The following BLK variants were observed in gnomAD, a reference collection of about 807,000 sequenced individuals.
The protein encoded by BLK is BLK proto-oncogene, Src family tyrosine kinase.
Under a neutral mutation model 61.8 loss-of-function variants are expected in BLK, and 64 were observed. That is an observed-to-expected ratio of 1.03 (90% CI 0.85 to 1.27). The LOEUF (loss-of-function observed/expected upper bound fraction) is 1.27. BLK is among the 50% of genes most tolerant of loss of function. The probability of loss-of-function intolerance (pLI) is 0.00; values close to 1 mark genes in which losing one functional copy is unlikely to be tolerated. For missense variants in BLK, 853 were observed against 660.5 expected, an observed-to-expected ratio of 1.29 and a Z score of -3.19; for synonymous variants, 351 against 272.0, an observed-to-expected ratio of 1.29 and a Z score of -2.86.
rs1419208772 is a variant in BLK at position 11,563,075 on chromosome 8, T to A, written c.1277T>A (p.Met426Lys). ...ADVWSFGVLL[M>K]EVVTYGRVPY... Reference sequence around the variant, plus strand: ...GTGTGGTCGTTTGGAGTCCTCCTGATGGAAGTTGTCACTTATGGGCGGGTG... The same window carrying A: ...GTGTGGTCGTTTGGAGTCCTCCTGAAGGAAGTTGTCACTTATGGGCGGGTG... The change falls in exon 12 of 13, where the codon ATG becomes AAG. Residue 426 changes from methionine (M) to lysine (K), a missense_variant. Physicochemically the swap from Met to Lys is moderately conservative, Grantham distance 95. Coordinates refer to ENST00000259089, the MANE Select transcript of BLK (RefSeq NM_001715.3). 1.2e-6 allele frequency: 2 copies of A among 1,613,822 alleles called. No individual in the cohort carries two copies. The highest frequency in any genetic ancestry group is 1.7e-6 in the Non-Finnish European group (2 of 1,180,034).
In BLK at chr8:11,555,542, G is replaced by A. The variant is rs527993791; in HGVS notation, c.772+58G>A. ...CCCCATTCCACCTGCGCCGCATCCTGAGTCCAGGTTCAGCATTTTCATAGC... is the reference window on the plus strand; with the variant it reads ...CCCCATTCCACCTGCGCCGCATCCTAAGTCCAGGTTCAGCATTTTCATAGC... On this transcript the variant is annotated intron_variant, in intron 8 of 12. Transcript: ENST00000259089. 91 of 1,611,178 alleles carry A rather than the reference G, an allele frequency of 5.6e-5. No homozygotes were observed. The African/African-American group carries it at 1.1e-3, about 20-fold the overall frequency.
At chr8:11,524,032 G>A (rs554916474) in intron 1 of BLK, among the ~76,000 whole-genome samples, 67 of 152,064 alleles carry the variant, frequency 4.4e-4, no homozygotes, top group African/African-American at 1.6e-3. Context: ...AAAAATATTG[G>A]ACAATTGAAT....
intron 4 of BLK, 33 bp from the exon 5 acceptor site, chr8:11,548,991 T>C (rs866003140): frequency 1.3e-6 from 2 of 1,570,724 alleles, no homozygotes; most frequent in Non-Finnish European, 1.7e-6. Context: ...ACAGGGGCCA[T>C]GATCTCATCT....
chr8:11,528,224 A>G (rs1027471342), intron 1 of BLK, among the ~76,000 whole-genome samples: 1 of 152,098 alleles, frequency 6.6e-6, no homozygotes, highest in African/African-American at 2.4e-5. Context: ...TTTTGTAGAG[A>G]TGGAGTCTTG....
intron 11 of BLK, 110 bp from the exon 12 acceptor site, chr8:11,562,869 C>T (rs1801554535): frequency 2.0e-6 from 3 of 1,512,776 alleles, no homozygotes; most frequent in African/African-American, 1.4e-5. Context: ...CCTGTGAGGC[C>T]CCGCAGTGGG....
At chr8:11,495,437 A>G (rs1173364401) in intron 1 of BLK, among the ~76,000 whole-genome samples, 1 of 152,214 alleles carries the variant, frequency 6.6e-6, no homozygotes, top group Admixed American at 6.5e-5. Flanking sequence ...GTAGCTCTGT[A>G]GAGGAGAAAC....
chr8:11,540,372 C>T (rs931732911), intron 1 of BLK, among the ~76,000 whole-genome samples: 4 of 152,188 alleles, frequency 2.6e-5, no homozygotes, highest in Admixed American at 2.6e-4. Context: ...GTTTTTTATT[C>T]TGCTCTGATG....
chr8:11,523,279 C>T (rs918904430), intron 1 of BLK, among the ~76,000 whole-genome samples: 2 of 152,114 alleles, frequency 1.3e-5, no homozygotes, highest in East Asian at 1.9e-4. Flanking sequence ...TTCAGTTGGG[C>T]ATGGTGGCTC....
chr8:11,503,583 T>C (rs1285189554), intron 1 of BLK, among the ~76,000 whole-genome samples: 5 of 152,170 alleles, frequency 3.3e-5, no homozygotes, highest in Non-Finnish European at 7.3e-5. Context: ...TGTGAGCATG[T>C]GGCTGGGTGA....
intron 3 of BLK, among the ~76,000 whole-genome samples, chr8:11,546,925 G>T (rs1800673521): frequency 6.6e-6 from 1 of 152,198 alleles, no homozygotes; most frequent in Non-Finnish European, 1.5e-5. Flanking sequence ...GTACTGTAGG[G>T]AATGAGCTCA....
rs185831709 is a variant in BLK, at chr8:11,550,244, G to C, written c.454G>C (p.Glu152Gln). Residue 152 changes from glutamate to glutamine, a missense_variant, in exon 6 of 13, where the codon GAG becomes CAG. By Grantham distance (29) the Glu-to-Gln change is conservative (BLOSUM62 2). Transcript: ENST00000259089. ...CAAGGCCGGCTCCTTTCTTATCAGA[G>C]AGAGTGAAACCAACAAAGGTAGGCT... ...INKAGSFLIR[E>Q]SETNKGAFSL... The C allele has an allele frequency of 9.9e-6, 16 of 1,614,018 alleles. No individual in the cohort carries two copies. In the East Asian group the frequency reaches 3.3e-4, roughly 34 times the overall value.
chr8:11,521,580 T>A (rs1186053511), intron 1 of BLK, among the ~76,000 whole-genome samples: 1 of 152,258 alleles, frequency 6.6e-6, no homozygotes, highest in Non-Finnish European at 1.5e-5. Flanking sequence ...TGTGAGCCAC[T>A]GTACCTGGAC....
chr8:11,556,954 C>A (rs1801267420), intron 9 of BLK, 117 bp downstream of exon 9: 5 of 887,976 alleles, frequency 5.6e-6, no homozygotes, highest in Non-Finnish European at 8.1e-6. Context: ...AGATCTAGGG[C>A]ATGGCACGGT....
At chr8:11,547,070 C>A (rs899467956) in intron 3 of BLK, among the ~76,000 whole-genome samples, 1 of 152,250 alleles carries the variant, frequency 6.6e-6, no homozygotes, top group African/African-American at 2.4e-5. Flanking sequence ...CCGGGCCCCA[C>A]CCATTAACCT....
chr8:11,528,085 G>A (rs2117364476), intron 1 of BLK, among the ~76,000 whole-genome samples: 1 of 152,274 alleles, frequency 6.6e-6, no homozygotes, highest in Admixed American at 6.5e-5. Flanking sequence ...CACCGAGGCT[G>A]GAGTTCAATG....
intron 1 of BLK, among the ~76,000 whole-genome samples, chr8:11,513,826 G>A (rs762345772): frequency 2.0e-5 from 3 of 152,178 alleles, no homozygotes; most frequent in African/African-American, 4.8e-5. Flanking sequence ...CACCACCGCC[G>A]CGCACTGCAT....
Position 11,564,592 on chromosome 8 carries a change from G to A in BLK, c.*484G>A, listed in dbSNP as rs1326681313. The stretch of plus-strand genomic sequence containing the variant: ...GGGCTTTTCTGCAATAAAGTCACGA[G>A]CGTTCGAGCTGTTCCGTGTCGTTAC... On this transcript the variant is annotated 3_prime_UTR_variant, in exon 13 of 13. Coordinates refer to ENST00000259089, the MANE Select transcript of BLK (RefSeq NM_001715.3). The A allele has an allele frequency of 7.3e-6, 3 of 412,630 alleles. No individual in the cohort carries two copies. The highest frequency in any genetic ancestry group is 4.1e-5 in the African/African-American group (2 of 49,180). 25.6% of individuals were successfully genotyped at this position (412,630 alleles called of 1,614,324 possible).
Position 11,543,300 on chromosome 8 carries a change from CT to C in BLK, c.77del (p.Leu26ArgfsTer47), listed in dbSNP as rs1800474543. Reference protein sequence around the residue: ...KEKDKGQWSPLKVSAQDKDAP... With the variant: ...KEKDKGQWSPXKVSAQDKDAP... ...GAAGGACAAGGGCCAATGGAGCCCC[CT>C]GAAGGTCAGCGCCCAAGACAAGGAC... On this transcript the variant is annotated frameshift_variant, in exon 2 of 13. Coordinates refer to ENST00000259089, the MANE Select transcript of BLK (RefSeq NM_001715.3). LOFTEE classifies it high-confidence loss of function. 1 of 1,613,822 alleles carries C rather than the reference CT, an allele frequency of 6.2e-7. No individual in the cohort carries two copies. The highest frequency in any genetic ancestry group is 8.5e-7 in the Non-Finnish European group (1 of 1,180,022).
chr8:11,521,274 T>G (rs1585349198), intron 1 of BLK, among the ~76,000 whole-genome samples: 1 of 152,224 alleles, frequency 6.6e-6, no homozygotes, highest in African/African-American at 2.4e-5. Flanking sequence ...GATTTAATTT[T>G]CACCTTTGAT....
Sources: allele counts gnomAD v4.1 joint callset (sites outside exome capture counted in the v4.1 genomes callset), GRCh38; gene constraint gnomAD v4.1.1; transcripts MANE v1.5; gene names NCBI Gene and HGNC (gene_info 2026-07-23, HGNC 2026-07-21).